The following TNIK variants were observed in gnomAD, a reference collection of about 807,000 sequenced individuals.
TNIK encodes the protein TRAF2 and NCK-interacting protein kinase.
TNIK carries 49 observed loss-of-function variants against 191.3 expected under a neutral mutation model. The observed-to-expected ratio is 0.26, with a 90% CI of 0.20 to 0.32. The LOEUF (loss-of-function observed/expected upper bound fraction) is 0.32. TNIK is among the 10% of genes least tolerant of loss of function. The probability of loss-of-function intolerance (pLI) is 1.00; values close to 1 mark genes in which losing one functional copy is unlikely to be tolerated. For synonymous variants in TNIK, 594 were observed against 600.9 expected, an observed-to-expected ratio of 0.99 and a Z score of 0.17; for missense variants, 1,155 against 1,702.3, an observed-to-expected ratio of 0.68 and a Z score of 5.66.
chr3:171,156,106 A>G (rs1212595821), intron 12 of TNIK, among the ~76,000 whole-genome samples: 1 of 152,216 alleles, frequency 6.6e-6, no homozygotes, highest in South Asian at 2.1e-4. Context: ...TGAGTTTTGC[A>G]TGAGAGATAA....
At chr3:171,340,976 T>C (rs1353113795) in intron 2 of TNIK, among the ~76,000 whole-genome samples, 2 of 151,656 alleles carry the variant, frequency 1.3e-5, no homozygotes, top group African/African-American at 4.8e-5. Flanking sequence ...TCTGAAAGGA[T>C]GGAAGAAGAG....
chr3:171,203,683 A>G (rs1186316052), intron 4 of TNIK, among the ~76,000 whole-genome samples: 1 of 152,244 alleles, frequency 6.6e-6, no homozygotes, highest in Admixed American at 6.5e-5. Context: ...CAGTTTGCCA[A>G]CTAAGAACTA....
intron 1 of TNIK, among the ~76,000 whole-genome samples, chr3:171,391,928 C>T (rs1719564971): frequency 6.6e-6 from 1 of 152,096 alleles, no homozygotes; most frequent in Non-Finnish European, 1.5e-5. Flanking sequence ...ACCTGTAGGA[C>T]AATTTTTTTT....
chr3:171,085,396 T>C (rs1275119085), intron 24 of TNIK, among the ~76,000 whole-genome samples, 167 bp from the exon 25 acceptor site: 2 of 152,222 alleles, frequency 1.3e-5, no homozygotes, highest in African/African-American at 2.4e-5. Flanking sequence ...CTTCTTCTGG[T>C]ATTGGTTACT....
At chr3:171,223,143 C>T (rs1742563782) in intron 3 of TNIK, among the ~76,000 whole-genome samples, 1 of 152,140 alleles carries the variant, frequency 6.6e-6, no homozygotes. Context: ...AACCTCGAAA[C>T]TAAGCTATGT....
intron 10 of TNIK, 40 bp downstream of exon 10, chr3:171,167,055 T>A (rs755994515): frequency 6.3e-7 from 1 of 1,592,626 alleles, no homozygotes; most frequent in Non-Finnish European, 8.6e-7. Flanking sequence ...ATTCACTCCA[T>A]CTTTTGTTTC....
At chr3:171,114,852 C>G (rs1162549283) in intron 18 of TNIK, among the ~76,000 whole-genome samples, 1 of 152,132 alleles carries the variant, frequency 6.6e-6, no homozygotes, top group African/African-American at 2.4e-5. Flanking sequence ...ACTGGAAATA[C>G]CCTTCATTTA....
chr3:171,257,124 T>C (rs1483068324), intron 2 of TNIK, among the ~76,000 whole-genome samples: 1 of 152,048 alleles, frequency 6.6e-6, no homozygotes, highest in Non-Finnish European at 1.5e-5. Context: ...CTGGGCCCAT[T>C]TCATCTCAAA....
At chr3:171,437,790 T>C (rs1257215401) in intron 1 of TNIK, among the ~76,000 whole-genome samples, 1 of 152,254 alleles carries the variant, frequency 6.6e-6, no homozygotes, top group East Asian at 1.9e-4. Context: ...AGAAAGAATC[T>C]TTCTTGCTCA....
At chr3:171,069,432 C>A (rs748150484) in intron 29 of TNIK, among the ~76,000 whole-genome samples, 1 of 152,118 alleles carries the variant, frequency 6.6e-6, no homozygotes, top group Non-Finnish European at 1.5e-5. Context: ...CAGCCAAGGC[C>A]GGCTGTTTTC....
chr3:171,126,178 G>T lies in TNIK; in HGVS notation c.1774-27C>A, dbSNP rs749265201. 11 of 1,491,818 alleles carry T rather than the reference G, an allele frequency of 7.4e-6. No individual in the cohort carries two copies. In the East Asian group the frequency reaches 2.4e-4, roughly 32 times the overall value. 92.4% of individuals were successfully genotyped at this position (1,491,818 alleles called of 1,614,324 possible). ...TAAGCATCAAAACAACATGAAAACA[G>T]CACTATTAGAAGAAAAAAGAGATCA... On this transcript the variant is annotated intron_variant, in intron 16 of 32. Coordinates refer to ENST00000436636, the MANE Select transcript of TNIK (RefSeq NM_015028.4).
chr3:171,248,510 G>C (rs1745864326), intron 2 of TNIK, among the ~76,000 whole-genome samples: 1 of 152,198 alleles, frequency 6.6e-6, no homozygotes, highest in African/African-American at 2.4e-5. Context: ...GAGGCCCAAG[G>C]CTGGAGAGAC....
intron 2 of TNIK, among the ~76,000 whole-genome samples, chr3:171,251,174 G>C (rs1488730428): frequency 6.6e-6 from 1 of 152,198 alleles, no homozygotes; most frequent in African/African-American, 2.4e-5. Flanking sequence ...CCTGCCTGTG[G>C]TCTGGGAAGA....
rs1730513485 is a variant in TNIK at position 171,139,527 on chromosome 3, C to T, written c.1362G>A (p.Glu454=). 1 of 1,613,780 alleles carries T rather than the reference C, an allele frequency of 6.2e-7. No homozygotes were observed. Among genetic ancestry groups the T allele is most frequent in the Non-Finnish European group, 8.5e-7 (1 of 1,179,776 alleles). The change falls in exon 14 of 33, where the codon GAG becomes GAA. Residue 454 remains glutamate, a synonymous_variant. Transcript: ENST00000436636. ...GCTGCAAGATCTCTAACTGTCTCTG[C>T]TCCTCCTCTAACTGTCGCCTGATGT... ...QEYIRRQLEE[E]QRQLEILQQQ...
intron 1 of TNIK, among the ~76,000 whole-genome samples, chr3:171,445,913 G>A (rs1727437043): frequency 6.6e-6 from 1 of 152,136 alleles, no homozygotes; most frequent in Admixed American, 6.5e-5. Context: ...TGTAGAGAGG[G>A]ACCTCATTTT....
intron 1 of TNIK, among the ~76,000 whole-genome samples, chr3:171,399,923 G>C (rs1441057061): frequency 6.6e-6 from 1 of 152,158 alleles, no homozygotes; most frequent in Non-Finnish European, 1.5e-5. Flanking sequence ...AATCAAAGCA[G>C]AAAGGAGTAA....
chr3:171,190,635 G>T, intron 6 of TNIK, 62 bp downstream of exon 6: 1 of 1,253,908 alleles, frequency 8.0e-7, no homozygotes, highest in Non-Finnish European at 1.1e-6. Flanking sequence ...AATTTTTTTA[G>T]AGCTGTTAAT....
At chr3:171,403,366 G>T (rs939703821) in intron 1 of TNIK, among the ~76,000 whole-genome samples, 1 of 152,074 alleles carries the variant, frequency 6.6e-6, no homozygotes, top group African/African-American at 2.4e-5. Flanking sequence ...TGTAATCCCA[G>T]CACTTTGGGA....
intron 16 of TNIK, among the ~76,000 whole-genome samples, 197 bp from the exon 17 acceptor site, chr3:171,126,348 C>G (rs1728482152): frequency 6.6e-6 from 1 of 152,036 alleles, no homozygotes; most frequent in African/African-American, 2.4e-5. Context: ...GTAGGGTTGG[C>G]ACAAAGTTAA....
Sources: gnomAD v4.1 joint callset for allele counts (sites outside exome capture counted in the v4.1 genomes callset) on GRCh38, gnomAD v4.1.1 for gene constraint, MANE v1.5 for transcripts, NCBI Gene and HGNC (gene_info 2026-07-23, HGNC 2026-07-21) for gene names.